Variants in OR6P1 observed in about 807,000 individuals in gnomAD.
The protein encoded by OR6P1 is olfactory receptor 6P1.
In OR6P1, 5 loss-of-function variants were observed where a neutral mutation model predicts 6.6. The observed-to-expected ratio is 0.76, with a 90% CI of 0.40 to 1.60. OR6P1 has a LOEUF of 1.60. Among genes scored for constraint, OR6P1 ranks in the 40% most tolerant of loss-of-function variants. OR6P1 has a pLI of 0.02. For synonymous variants in OR6P1, 177 were observed against 149.6 expected (o/e 1.18, Z -1.33); for missense variants, 451 against 383.0 (o/e 1.18, Z -1.48).
intron 2 of OR6P1, 130 bp from the exon 3 acceptor site, chr1:158,563,756 C>T (rs1025073910): frequency 6.9e-6 from 4 of 580,102 alleles, no homozygotes; most frequent in Non-Finnish European, 1.2e-5. Context: ...TTCCTCTTCA[C>T]TTTGCTGTTT....
At chr1:158,564,314 C>A (rs948377933) in intron 2 of OR6P1, among the ~76,000 whole-genome samples, 3 of 152,228 alleles carry the variant, frequency 2.0e-5, no homozygotes, top group African/African-American at 4.8e-5. Flanking sequence ...GAAAGTTGTA[C>A]ATGTCTTAAT....
Position 158,562,696 on chromosome 1 carries a change from C to A in OR6P1, c.909G>T (p.Lys303Asn), listed in dbSNP as rs1412436172. The A allele has an allele frequency of 1.9e-6, 3 of 1,559,378 alleles. No homozygotes were observed. Among genetic ancestry groups the A allele is most frequent in the Admixed American group, 1.9e-5 (1 of 51,888 alleles). Residue 303 changes from lysine to asparagine, a missense_variant, in exon 3 of 3, where the codon AAG becomes AAT. Physicochemically the swap from Lys to Asn is moderately conservative, Grantham distance 94. Coordinates refer to ENST00000641540, the MANE Select transcript of OR6P1 (RefSeq NM_001160325.2). ...RNKEVKEAFR[K>N]TVMGRCHYPR... ...GATAGTGACATCTGCCCATCACTGT[C>A]TTCCTGAAGGCCTCCTTCACCTCCT...
intron 1 of OR6P1, 134 bp downstream of exon 1, chr1:158,570,308 C>A (rs1262641725): frequency 1.3e-5 from 2 of 152,220 alleles, no homozygotes; most frequent in East Asian, 3.9e-4. Flanking sequence ...AGGGTACTCA[C>A]TCTGAGATGT....
chr1:158,563,397 C>T lies in OR6P1; in HGVS notation c.208G>A (p.Glu70Lys). ...ATGGTGACATTGATGTACCATAGCT[C>T]CAGGAAAGAGAGATGGCCAAGGAAA... ...YFFLGHLSFL[E>K]LWYINVTIPR... Residue 70 changes from glutamate (E) to lysine (K), a missense_variant, in exon 3 of 3, where the codon GAG becomes AAG. Physicochemically the swap from Glu to Lys is moderately conservative, Grantham distance 56. Transcript: ENST00000641540. 1 of 1,551,368 alleles carries T rather than the reference C, an allele frequency of 6.4e-7. No individual in the cohort carries two copies. The highest frequency in any genetic ancestry group is 8.7e-7 in the Non-Finnish European group (1 of 1,146,912).
chr1:158,567,174 G>C (rs1648116899), intron 1 of OR6P1, among the ~76,000 whole-genome samples: 4 of 151,502 alleles, frequency 2.6e-5, no homozygotes, highest in Admixed American at 2.6e-4. Flanking sequence ...GGAGAAATAG[G>C]AACACTTTTA....
At chr1:158,568,797 T>A (rs1180489784) in intron 1 of OR6P1, among the ~76,000 whole-genome samples, 2 of 151,978 alleles carry the variant, frequency 1.3e-5, no homozygotes, top group African/African-American at 4.8e-5. Context: ...GAGGACTTTG[T>A]CCAAAAAGTC....
intron 2 of OR6P1, among the ~76,000 whole-genome samples, chr1:158,564,779 C>T (rs898760851): frequency 1.3e-5 from 2 of 152,136 alleles, no homozygotes; most frequent in Non-Finnish European, 2.9e-5. Flanking sequence ...GTTACAGTAG[C>T]CATGGGAAAC....
rs149207669 is a variant in OR6P1 at position 158,570,253 on chromosome 1, G to A, written c.-118+189C>T. ...AACATTTCAGATGCATTTCTCAGGTGCTATCTCTAGAATCATAAACACATG... is the reference window on the plus strand; with the variant it reads ...AACATTTCAGATGCATTTCTCAGGTACTATCTCTAGAATCATAAACACATG... On this transcript the variant is annotated intron_variant, in intron 1 of 2. Coordinates refer to ENST00000641540, the MANE Select transcript of OR6P1 (RefSeq NM_001160325.2). Among the ~76,000 whole-genome samples, 86 of 152,326 alleles carry A rather than the reference G, an allele frequency of 5.6e-4. 2 individuals are homozygous for A. In the East Asian group the frequency reaches 0.015, roughly 27 times the overall value.
chr1:158,569,293 C>T (rs1648182082), intron 1 of OR6P1, among the ~76,000 whole-genome samples: 1 of 152,134 alleles, frequency 6.6e-6, no homozygotes, highest in Non-Finnish European at 1.5e-5. Flanking sequence ...AGCACATTTG[C>T]CTGGATTCCT....
chr1:158,564,523 A>G (rs1648049096), intron 2 of OR6P1, among the ~76,000 whole-genome samples: 1 of 152,174 alleles, frequency 6.6e-6, no homozygotes, highest in African/African-American at 2.4e-5. Context: ...TGAAGCAGAG[A>G]CAGATTTAAG....
rs1264571213 is a variant in OR6P1, at chr1:158,563,196, G to A, written c.409C>T (p.Pro137Ser). Residue 137 changes from proline (P) to serine (S), a missense_variant, in exon 3 of 3, where the codon CCT becomes TCT. Transcript: ENST00000641540. ...CGPLLYPSLM[P>S]SSLATRLAAA... ...GCAAGGCGAGTGGCCAGACTGGAAGGCATGAGACTAGGGTAAAGGAGGGGT... is the reference window on the plus strand; with the variant it reads ...GCAAGGCGAGTGGCCAGACTGGAAGACATGAGACTAGGGTAAAGGAGGGGT... 1 of 1,551,414 alleles carries A rather than the reference G, an allele frequency of 6.4e-7. No homozygotes were observed.
chr1:158,567,885 C>T (rs1648138656), intron 1 of OR6P1, among the ~76,000 whole-genome samples: 1 of 152,038 alleles, frequency 6.6e-6, no homozygotes, highest in Non-Finnish European at 1.5e-5. Context: ...GAAGCCAATC[C>T]TGCTCTGTAG....
intron 2 of OR6P1, among the ~76,000 whole-genome samples, chr1:158,565,836 AAGTT>A (rs1045789819): frequency 6.6e-6 from 1 of 152,196 alleles, no homozygotes; most frequent in African/African-American, 2.4e-5. Context: ...CCATGAATGA[AAGTT>A]AGTTTTGTTA....
chr1:158,565,376 C>A (rs533275971), intron 2 of OR6P1, among the ~76,000 whole-genome samples: 2 of 152,142 alleles, frequency 1.3e-5, no homozygotes, highest in African/African-American at 4.8e-5. Context: ...CACAAATGAG[C>A]GTATCTTTTT....
intron 2 of OR6P1, among the ~76,000 whole-genome samples, chr1:158,565,586 CAATATA>C (rs139595029): frequency 0.046 from 6,952 of 151,856 alleles, 206 homozygotes; most frequent in South Asian, 0.072. Context: ...TTACCTAAAG[CAATATA>C]AATATAAATA....
intron 2 of OR6P1, 41 bp from the exon 3 acceptor site, chr1:158,563,667 G>T: frequency 9.4e-7 from 1 of 1,059,482 alleles, no homozygotes. Context: ...TTGAAAGATA[G>T]CTGCAACAAA....
At chr1:158,566,169 C>T (rs1648092574) in intron 2 of OR6P1, among the ~76,000 whole-genome samples, 1 of 152,130 alleles carries the variant, frequency 6.6e-6, no homozygotes, top group African/African-American at 2.4e-5. Flanking sequence ...GGAAAGGACA[C>T]TTTCTCTAGC....
At position 158,562,906 on chromosome 1, in the gene OR6P1, T is replaced by C. The variant is rs1415654909; in HGVS notation, c.699A>G (p.Gly233=). The change falls in exon 3 of 3, where the codon GGA becomes GGG. Residue 233 remains glycine, a synonymous_variant. Transcript: ENST00000641540. ...CACAAGTGGAAAAGGCTTTGTGGCG[T>C]CCCCTGGACGTAGGGATCCTCAGGA... ...AAILRIPTSR[G]RHKAFSTCAA... 6 of 1,551,798 alleles carry C rather than the reference T, an allele frequency of 3.9e-6. No individual in the cohort carries two copies. The highest frequency in any genetic ancestry group is 1.4e-5 in the African/African-American group (1 of 73,126).
At chr1:158,565,009 G>T (rs1282593699) in intron 2 of OR6P1, among the ~76,000 whole-genome samples, 1 of 152,084 alleles carries the variant, frequency 6.6e-6, no homozygotes, top group African/African-American at 2.4e-5. Flanking sequence ...TTTCCTCTAA[G>T]AAACTTAAAA....
Sources: allele counts gnomAD v4.1 joint callset (sites outside exome capture counted in the v4.1 genomes callset), GRCh38; gene constraint gnomAD v4.1.1; transcripts MANE v1.5; gene names NCBI Gene and HGNC (gene_info 2026-07-23, HGNC 2026-07-21).